Variants in PMFBP1 observed in about 807,000 individuals in gnomAD.
The protein encoded by PMFBP1 is polyamine-modulated factor 1-binding protein 1.
In PMFBP1, 131 loss-of-function variants were observed where a neutral mutation model predicts 137.8. That is an observed-to-expected ratio of 0.95 (90% CI 0.82 to 1.10). The LOEUF is 1.10. Ranked by LOEUF, PMFBP1 falls within the 50% of genes least tolerant of loss-of-function variation. The pLI is 0.00. For missense variants in PMFBP1, 1,199 were observed against 1,175.4 expected (o/e 1.02, Z -0.29); for synonymous variants, 490 against 450.4 (o/e 1.09, Z -1.11).
the PMFBP1 span, among the ~76,000 whole-genome samples, chr16:72,226,975 C>A: frequency 2.0e-5 from 3 of 152,114 alleles, no homozygotes; most frequent in Admixed American, 2.0e-4. Context: ...ACCATATTAC[C>A]AAATAGCTGA....
chr16:72,144,706 A>G (rs1398445779), intron 5 of PMFBP1, among the ~76,000 whole-genome samples: 1 of 152,232 alleles, frequency 6.6e-6, no homozygotes, highest in Admixed American at 6.5e-5. Context: ...GAAGGTAGTG[A>G]AGGCCTTTCT....
intron 3 of PMFBP1, among the ~76,000 whole-genome samples, chr16:72,157,183 C>CA (rs35414674): frequency 0.023 from 434 of 18,810 alleles, 35 homozygotes; most frequent in Non-Finnish European, 0.027. Flanking sequence ...GACTCCATCT[C>CA]AAAAAAAAAA....
chr16:72,176,339 A>T (rs533040002), upstream of PMFBP1, among the ~76,000 whole-genome samples: 18 of 152,364 alleles, frequency 1.2e-4, no homozygotes, highest in African/African-American at 4.1e-4. Context: ...GCTACCTTTC[A>T]CAGAGGCTGT....
the PMFBP1 span, among the ~76,000 whole-genome samples, chr16:72,191,650 T>TCCTTG: frequency 6.6e-6 from 1 of 152,194 alleles, no homozygotes; most frequent in Non-Finnish European, 1.5e-5. Flanking sequence ...CTTAGGTAAT[T>TCCTTG]CCTTGAGAAG....
chr16:72,164,999 C>A, intron 2 of PMFBP1, 83 bp from the exon 3 acceptor site: 1 of 1,405,198 alleles, frequency 7.1e-7, no homozygotes, highest in Non-Finnish European at 9.4e-7. Flanking sequence ...TTGACAGAGA[C>A]TTGAAATTTG....
At chr16:72,232,921 T>C in the PMFBP1 span, among the ~76,000 whole-genome samples, 1 of 152,108 alleles carries the variant, frequency 6.6e-6, no homozygotes, top group African/African-American at 2.4e-5. Context: ...TACAAATGAT[T>C]GCAAAATGGT....
intron 5 of PMFBP1, among the ~76,000 whole-genome samples, chr16:72,141,059 C>CA (rs1453945076): frequency 1.3e-5 from 2 of 151,698 alleles, no homozygotes; most frequent in African/African-American, 4.8e-5. Flanking sequence ...CTCAGCCCCC[C>CA]AAATAGCTAG....
upstream of PMFBP1, among the ~76,000 whole-genome samples, chr16:72,178,801 T>A (rs978884206): frequency 2.6e-5 from 4 of 152,192 alleles, no homozygotes; most frequent in African/African-American, 9.7e-5. Flanking sequence ...GAGTCAGGGC[T>A]CACATTTTGA....
intron 3 of PMFBP1, among the ~76,000 whole-genome samples, chr16:72,158,962 C>T (rs138268125): frequency 6.6e-6 from 1 of 152,146 alleles, no homozygotes. Context: ...ACCACTGCAC[C>T]CCAGCCTGGG....
At chr16:72,140,270 A>AAAGT in intron 6 of PMFBP1, 142 bp downstream of exon 6, 1 of 842,822 alleles carries the variant, frequency 1.2e-6, no homozygotes. Flanking sequence ...GAATATGAAC[A>AAAGT]AAGTTGGGGG....
At chr16:72,131,504 T>C (rs533922584) in intron 10 of PMFBP1, among the ~76,000 whole-genome samples, 2 of 152,240 alleles carry the variant, frequency 1.3e-5, no homozygotes, top group South Asian at 2.1e-4. Context: ...CCACTGGGTA[T>C]GAGGGGAAGG....
the PMFBP1 span, among the ~76,000 whole-genome samples, chr16:72,196,051 C>CAG: frequency 2.9e-5 from 4 of 137,458 alleles, no homozygotes; most frequent in Non-Finnish European, 4.8e-5. Context: ...GAGAGACAGA[C>CAG]AGAGAGAGAG....
chr16:72,185,593 GT>G, the PMFBP1 span, among the ~76,000 whole-genome samples: 2 of 151,966 alleles, frequency 1.3e-5, no homozygotes, highest in East Asian at 3.9e-4. Flanking sequence ...TGATCTGAAC[GT>G]CCCCACCAGG....
the PMFBP1 span, among the ~76,000 whole-genome samples, chr16:72,185,749 C>G: frequency 6.6e-6 from 1 of 152,126 alleles, no homozygotes; most frequent in African/African-American, 2.4e-5. Context: ...ATAGTGGATG[C>G]TCAGTAATAT....
At chr16:72,241,411 CCTA>C in the PMFBP1 span, among the ~76,000 whole-genome samples, 1 of 152,046 alleles carries the variant, frequency 6.6e-6, no homozygotes, top group Non-Finnish European at 1.5e-5. Context: ...CTTCAGCTAC[CCTA>C]CTATTTAATA....
the PMFBP1 span, among the ~76,000 whole-genome samples, chr16:72,182,586 A>G: frequency 1.3e-5 from 2 of 152,074 alleles, no homozygotes; most frequent in African/African-American, 2.4e-5. Flanking sequence ...AAGGAGAAAC[A>G]GAGACTATAA....
chr16:72,241,713 C>A, the PMFBP1 span, among the ~76,000 whole-genome samples: 323 of 152,260 alleles, frequency 2.1e-3, 2 homozygotes, highest in Non-Finnish European at 3.3e-3. Flanking sequence ...ATAAGGATGG[C>A]AGACAATTCA....
the PMFBP1 span, among the ~76,000 whole-genome samples, chr16:72,209,644 T>C: frequency 6.6e-6 from 1 of 152,246 alleles, no homozygotes; most frequent in African/African-American, 2.4e-5. Context: ...TATACTCAAA[T>C]AATCTAACCA....
At chr16:72,176,091 T>C (rs1195381170), upstream of PMFBP1, among the ~76,000 whole-genome samples, 1 of 151,972 alleles carries the variant, frequency 6.6e-6, no homozygotes. Flanking sequence ...TTGCCAGGGT[T>C]TGGGGTTCTG....
Sources: allele counts gnomAD v4.1 joint callset (sites outside exome capture counted in the v4.1 genomes callset), GRCh38; gene constraint gnomAD v4.1.1; transcripts MANE v1.5; gene names NCBI Gene and HGNC (gene_info 2026-07-23, HGNC 2026-07-21).